SHOX2: variants seen among roughly 807,000 people sequenced by gnomAD.
SHOX2 encodes the protein short stature homeobox protein 2.
SHOX2 carries 13 observed loss-of-function variants against 31.3 expected under a neutral mutation model. The ratio of observed to expected loss-of-function variants is 0.42; its 90% CI spans 0.27 to 0.66. The LOEUF is 0.66. Ranked by LOEUF, SHOX2 falls within the 30% of genes least tolerant of loss-of-function variation. The pLI is 0.27. For synonymous variants in SHOX2, 244 were observed against 196.2 expected (o/e 1.24, Z -2.04); for missense variants, 473 against 443.0 (o/e 1.07, Z -0.61).
In SHOX2 at chr3:158,096,902, A is replaced by ATG. The variant is rs1713127181; in HGVS notation, c.*1124_*1125insCA. 3.0e-5 allele frequency: 3 copies of ATG among 99,214 alleles called. No individual in the cohort carries two copies. The Admixed American group carries it at 3.1e-4, about 10-fold the overall frequency. The allele number at this position is 99,214 out of a possible 1,614,324, so 6.1% of individuals were successfully genotyped here. A position where few individuals can be genotyped will look rare whatever the true frequency, so the allele number is the denominator to read the frequency against. Reference sequence around the variant, plus strand: ...AAAGACAGGGCAAATATATATATATATATATATATATATATATATATATAT... The same window carrying ATG: ...AAAGACAGGGCAAATATATATATATATGTATATATATATATATATATATATAT... On this transcript the variant is annotated 3_prime_UTR_variant, in exon 5 of 5. Transcript: ENST00000483851.
At chr3:158,103,251 A>G (rs1365810054) in intron 1 of SHOX2, 1 of 332,334 alleles carries the variant, frequency 3.0e-6, no homozygotes, top group South Asian at 2.7e-5. Context: ...GCTCCGCAGC[A>G]CTCACAGAAA....
chr3:158,100,527 A>G (rs1197455834), intron 2 of SHOX2, among the ~76,000 whole-genome samples: 1 of 152,256 alleles, frequency 6.6e-6, no homozygotes, highest in African/African-American at 2.4e-5. Flanking sequence ...GACTTTCACA[A>G]GATAGATTAC....
At chr3:158,102,634 C>T (rs4462902) in intron 2 of SHOX2, 44 bp downstream of exon 2, 1,353,179 of 1,554,008 alleles carry the variant, frequency 0.87, 590,050 homozygotes, top group East Asian at 0.99. Context: ...CAACCCCAGG[C>T]TCTCTCTGCT....
intron 4 of SHOX2, among the ~76,000 whole-genome samples, chr3:158,099,174 T>G (rs1175696050): frequency 6.6e-6 from 1 of 152,210 alleles, no homozygotes; most frequent in Admixed American, 6.5e-5. Context: ...GGTCAGACAC[T>G]GGTTGGGAAA....
intron 1 of SHOX2, 43 bp from the exon 2 acceptor site, chr3:158,102,929 A>AACACAC: frequency 6.8e-7 from 1 of 1,477,284 alleles, no homozygotes; most frequent in Non-Finnish European, 9.4e-7. Flanking sequence ...CATCCACACG[A>AACACAC]ACACACACAC....
rs1478259670 is a variant in SHOX2 at position 158,096,912 on chromosome 3, A to ATATC, written c.*1114_*1115insGATA. 1 of 111,654 alleles carries ATATC rather than the reference A, an allele frequency of 9.0e-6. No individual in the cohort carries two copies. Among genetic ancestry groups the ATATC allele is most frequent in the Non-Finnish European group, 1.9e-5 (1 of 51,958 alleles). 6.9% of individuals were successfully genotyped at this position (111,654 alleles called of 1,614,324 possible). On this transcript the variant is annotated 3_prime_UTR_variant, in exon 5 of 5. Transcript: ENST00000483851. ...CAAATATATATATATATATATATAT[A>ATATC]TATATATATATATATATATGGCAAA...
At chr3:158,105,195 G>A in intron 1 of SHOX2, 2 of 1,030,408 alleles carry the variant, frequency 1.9e-6, no homozygotes, top group Non-Finnish European at 3.0e-6. Context: ...CGGAGTTCGA[G>A]GGGTCTTGGC....
chr3:158,105,156 C>G (rs1311405688), intron 1 of SHOX2: 2 of 1,449,336 alleles, frequency 1.4e-6, no homozygotes, highest in East Asian at 5.0e-5. Context: ...AAGTTTTGGC[C>G]CCTAAGATCC....
chr3:158,100,086 A>T lies in SHOX2; in HGVS notation c.614-138T>A, dbSNP rs989562187. The T allele has an allele frequency of 5.5e-6, 5 of 915,252 alleles. No individual in the cohort carries two copies. The African/African-American group carries it at 8.4e-5, about 15-fold the overall frequency. 56.7% of individuals were successfully genotyped at this position (915,252 alleles called of 1,614,324 possible). On this transcript the variant is annotated intron_variant, in intron 3 of 4. Transcript: ENST00000483851. The stretch of plus-strand genomic sequence containing the variant: ...TAAACTGCATCCAAAATTTAAATAA[A>T]TGTAACTTACTCCCAAACTTTAGGA...
At position 158,105,821 on chromosome 3, in the gene SHOX2, TCCGCCTCCTCCGCCG is replaced by T. The variant is rs1396795497; in HGVS notation, c.189_203del (p.Gly73_Gly77del). 18 of 1,453,288 alleles carry T rather than the reference TCCGCCTCCTCCGCCG, an allele frequency of 1.2e-5. No homozygotes were observed. Among genetic ancestry groups the T allele is most frequent in the Non-Finnish European group, 1.5e-5 (17 of 1,103,212 alleles). 90.0% of individuals were successfully genotyped at this position (1,453,288 alleles called of 1,614,324 possible). ...CTCCTCCGCCTCCTCCGCCGCCGCC[TCCGCCTCCTCCGCCG>T]CCGCCTCCGCCGGCCGCCCGGACTG... On this transcript the variant is annotated inframe_deletion, in exon 1 of 5. Transcript: ENST00000483851.
intron 4 of SHOX2, 148 bp from the exon 5 acceptor site, chr3:158,098,432 C>T (rs995537748): frequency 1.6e-5 from 15 of 914,692 alleles, no homozygotes; most frequent in Non-Finnish European, 2.5e-5. Flanking sequence ...GCATCTTGTT[C>T]CGACAGTGAC....
At position 158,106,198 on chromosome 3, in the gene SHOX2, AAG is replaced by A; in HGVS notation, c.-176_-175del. On this transcript the variant is annotated 5_prime_UTR_variant, in exon 1 of 5. Coordinates refer to ENST00000483851, the MANE Select transcript of SHOX2 (RefSeq NM_001163678.2). ...AAGAAAAAGAGGAGAAGAAAGAAGA[AAG>A]AGGAGGAGAAGTAGAAGGAGAAAAA... The A allele has an allele frequency of 1.9e-6, 2 of 1,079,638 alleles. No individual in the cohort carries two copies. The highest frequency in any genetic ancestry group is 2.6e-6 in the Non-Finnish European group (2 of 775,118). 66.9% of individuals were successfully genotyped at this position (1,079,638 alleles called of 1,614,324 possible). A position where few individuals can be genotyped will look rare whatever the true frequency, so the allele number is the denominator to read the frequency against.
intron 3 of SHOX2, 46 bp from the exon 4 acceptor site, chr3:158,099,994 G>T: frequency 6.6e-7 from 1 of 1,523,504 alleles, no homozygotes; most frequent in Non-Finnish European, 9.1e-7. Context: ...AACGTTTGTA[G>T]CATTTTTCAG....
intron 1 of SHOX2, chr3:158,105,067 G>T: frequency 7.8e-7 from 1 of 1,285,874 alleles, no homozygotes. Context: ...CCAAGAAACC[G>T]AAACGCCTCG....
Position 158,096,930 on chromosome 3 carries a change from A to ATATATATATATATATG in SHOX2, c.*1096_*1097insCATATATATATATATA, listed in dbSNP as rs67436323. The stretch of plus-strand genomic sequence containing the variant: ...TATATATATATATATATATATATAT[A>ATATATATATATATATG]TGGCAAATATATGATATATATATAT... On this transcript the variant is annotated 3_prime_UTR_variant, in exon 5 of 5. Coordinates refer to ENST00000483851, the MANE Select transcript of SHOX2 (RefSeq NM_001163678.2). 70 of 102,170 alleles carry ATATATATATATATATG rather than the reference A, an allele frequency of 6.9e-4. 5 individuals carry two copies. The highest frequency in any genetic ancestry group is 1.2e-3 in the Admixed American group (10 of 8,262). The allele number at this position is 102,170 out of a possible 1,614,324, so 6.3% of individuals were successfully genotyped here.
At chr3:158,104,944 A>G in intron 1 of SHOX2, 1 of 700,102 alleles carries the variant, frequency 1.4e-6, no homozygotes. Context: ...AGCTAGCACC[A>G]AAGGATTTTT....
At chr3:158,104,844 G>T (rs571093750) in intron 1 of SHOX2, among the ~76,000 whole-genome samples, 1 of 152,156 alleles carries the variant, frequency 6.6e-6, no homozygotes, top group Non-Finnish European at 1.5e-5. Context: ...GTTACTGCAG[G>T]CACCAAGTGC....
At position 158,098,185 on chromosome 3, in the gene SHOX2, G is replaced by C. The variant is rs754160158; in HGVS notation, c.802C>G (p.Pro268Ala). Reference protein sequence around the residue: ...AHAPYMMFPAPPFGLPLATLA... With the variant: ...AHAPYMMFPAAPFGLPLATLA... ...GTGGCGAGCGGCAGTCCGAAGGGCG[G>C]TGCTGGGAACATCATGTAGGGCGCG... Residue 268 changes from proline to alanine, a missense_variant, in exon 5 of 5, where the codon CCG (proline) becomes GCG (alanine). Physicochemically the swap from Pro to Ala is conservative, Grantham distance 27. Around this residue, in one of 3 missense-constraint regions of SHOX2, gnomAD observed 182 missense variants for 167.2 expected, o/e 1.09. Coordinates refer to ENST00000483851, the MANE Select transcript of SHOX2 (RefSeq NM_001163678.2). 1.4e-5 allele frequency: 23 copies of C among 1,613,704 alleles called. 1 individual carries two copies. The South Asian group carries it at 2.4e-4, about 17-fold the overall frequency.
intron 1 of SHOX2, chr3:158,105,379 GC>G: frequency 1.7e-6 from 1 of 591,060 alleles, no homozygotes; most frequent in Non-Finnish European, 3.0e-6. Flanking sequence ...CGGGCTGCGG[GC>G]CCATCCTCCC....
Sources: gnomAD v4.1 joint callset for allele counts (sites outside exome capture counted in the v4.1 genomes callset) on GRCh38, gnomAD v4.1.1 for gene constraint, gnomAD v4.1.1 regional missense constraint, MANE v1.5 for transcripts, NCBI Gene and HGNC (gene_info 2026-07-23, HGNC 2026-07-21) for gene names.